The following GDA variants were observed in gnomAD, a reference collection of about 807,000 sequenced individuals.
GDA encodes guanine deaminase.
GDA carries 18 observed loss-of-function variants against 59.6 expected under a neutral mutation model. The ratio of observed to expected loss-of-function variants is 0.30; its 90% CI spans 0.21 to 0.45. The LOEUF (loss-of-function observed/expected upper bound fraction) is 0.45. GDA is among the 20% of genes least tolerant of loss of function. The pLI is 1.00. For synonymous variants in GDA, 201 were observed against 201.1 expected, an observed-to-expected ratio of 1.00 and a Z score of 0.00; for missense variants, 427 against 552.3, an observed-to-expected ratio of 0.77 and a Z score of 2.27.
chr9:72,202,413 C>T (rs1049692446), intron 2 of GDA, among the ~76,000 whole-genome samples, 158 bp from the exon 3 acceptor site: 2 of 152,146 alleles, frequency 1.3e-5, no homozygotes, highest in Non-Finnish European at 2.9e-5. Context: ...TATGTCCTGA[C>T]CTCTAAATAA....
intron 8 of GDA, 105 bp downstream of exon 8, chr9:72,225,889 TA>T: frequency 1.7e-6 from 1 of 581,864 alleles, no homozygotes; most frequent in South Asian, 2.6e-5. Flanking sequence ...TACATTTCTT[TA>T]AAAATTTTTT....
intron 1 of GDA, among the ~76,000 whole-genome samples, chr9:72,121,136 T>C (rs1435560667): frequency 1.3e-5 from 2 of 152,236 alleles, no homozygotes; most frequent in African/African-American, 2.4e-5. Flanking sequence ...TGGTAGGTAC[T>C]GAAGCCTCTT....
intron 5 of GDA, among the ~76,000 whole-genome samples, chr9:72,216,601 G>C (rs573275200): frequency 9.2e-5 from 14 of 152,062 alleles, no homozygotes; most frequent in Non-Finnish European, 2.1e-4. Flanking sequence ...TGATTTAATT[G>C]ATATGAAATG....
At position 72,132,764 on chromosome 9, in the gene GDA, A is replaced by G. The variant is rs1489003604; in HGVS notation, c.-100+17931A>G. On this transcript the variant is annotated intron_variant, in intron 1 of 13. Transcript: ENST00000545168. ...TTCTGGAGTTCCCTCACCTCCCACTACTCCAACACTAATCAGAACAATATC... is the reference window on the plus strand; with the variant it reads ...TTCTGGAGTTCCCTCACCTCCCACTGCTCCAACACTAATCAGAACAATATC... Among the ~76,000 whole-genome samples the G allele has an allele frequency of 2.6e-5, 4 of 152,020 alleles. No homozygotes were observed. In the East Asian group the frequency reaches 5.8e-4, roughly 22 times the overall value.
intron 1 of GDA, among the ~76,000 whole-genome samples, chr9:72,133,308 A>AATAAT (rs1554722434): frequency 1.1e-4 from 11 of 101,560 alleles, no homozygotes; most frequent in African/African-American, 1.5e-4. Flanking sequence ...AAAAAAAAAA[A>AATAAT]AATAATAATA....
chr9:72,215,208 G>A (rs1835950540), intron 5 of GDA, among the ~76,000 whole-genome samples: 1 of 152,050 alleles, frequency 6.6e-6, no homozygotes, highest in Non-Finnish European at 1.5e-5. Context: ...AAGAAGTTAG[G>A]AAAAATGAGT....
At position 72,225,764 on chromosome 9, in the gene GDA, A is replaced by T. The variant is rs761947921; in HGVS notation, c.802A>T (p.Asn268Tyr). 1.4e-5 allele frequency: 20 copies of T among 1,411,184 alleles called. No individual in the cohort carries two copies. Among genetic ancestry groups the T allele is most frequent in the Non-Finnish European group, 2.0e-5 (20 of 1,009,404 alleles). The allele number at this position is 1,411,184 out of a possible 1,614,324, so 87.4% of individuals were successfully genotyped here. A position where few individuals can be genotyped will look rare whatever the true frequency, so the allele number is the denominator to read the frequency against. ...YKNYTSVYDKNNLLTNKTVMA... is the reference protein window; with the variant it reads ...YKNYTSVYDKYNLLTNKTVMA... ...AAACTACACATCTGTGTATGATAAA[A>T]ACAATCTTTTGACAAATAAGGTAAG... The change falls in exon 8 of 14, where the codon AAC becomes TAC. Residue 268 changes from asparagine to tyrosine, a missense_variant. Asn to Tyr is a moderately radical substitution (Grantham distance 143, BLOSUM62 -2). Coordinates refer to ENST00000358399, the MANE Select transcript of GDA (RefSeq NM_004293.5).
At chr9:72,151,608 T>G (rs1827206172) in intron 1 of GDA, among the ~76,000 whole-genome samples, 2 of 152,100 alleles carry the variant, frequency 1.3e-5, no homozygotes, top group South Asian at 4.1e-4. Flanking sequence ...TTTGGTTTTT[T>G]TTTGTTTGTT....
Position 72,181,733 on chromosome 9 carries a change from G to A in GDA, c.124-13767G>A, listed in dbSNP as rs553970397. On this transcript the variant is annotated intron_variant, in intron 1 of 13. Transcript: ENST00000358399. ...TAGCTCACTGCAACCTTGAACTCCC[G>A]GGCTCAAGCAATCCTCACATTTCAG... Among the ~76,000 whole-genome samples, 15 of 152,148 alleles carry A rather than the reference G, an allele frequency of 9.9e-5. No individual in the cohort carries two copies. The East Asian group carries it at 1.4e-3, about 14-fold the overall frequency.
At chr9:72,116,968 T>C (rs4311710) in intron 1 of GDA, among the ~76,000 whole-genome samples, 16,930 of 142,256 alleles carry the variant, frequency 0.12, 2,019 homozygotes, top group African/African-American at 0.31. Context: ...ATGTTCCCCA[T>C]CCTGTGTCCA....
At chr9:72,201,819 G>C (rs916405816) in intron 2 of GDA, among the ~76,000 whole-genome samples, 14 of 152,038 alleles carry the variant, frequency 9.2e-5, no homozygotes, top group African/African-American at 3.4e-4. Flanking sequence ...ACACTTTCCA[G>C]GACTTTCTAA....
chr9:72,184,237 ATAC>A (rs1334275523), intron 1 of GDA, among the ~76,000 whole-genome samples: 1 of 152,202 alleles, frequency 6.6e-6, no homozygotes, highest in Non-Finnish European at 1.5e-5. Context: ...TCCACAGTTT[ATAC>A]TAGGGCTCAC....
At chr9:72,185,392 C>T (rs1388458182) in intron 1 of GDA, among the ~76,000 whole-genome samples, 3 of 152,184 alleles carry the variant, frequency 2.0e-5, no homozygotes, top group African/African-American at 7.2e-5. Flanking sequence ...TCCCTCATGC[C>T]TCATGCTATT....
At chr9:72,213,529 C>T (rs986858921) in intron 4 of GDA, among the ~76,000 whole-genome samples, 49 of 152,054 alleles carry the variant, frequency 3.2e-4, no homozygotes, top group Non-Finnish European at 4.4e-4. Flanking sequence ...TTTGGCCGGG[C>T]GCGGTGGCTC....
rs190454478 is a variant in GDA, at chr9:72,171,556, C to G, written c.123+21874C>G. Among the ~76,000 whole-genome samples the G allele has an allele frequency of 1.8e-3, 270 of 152,192 alleles. 2 individuals are homozygous for G. Among genetic ancestry groups the G allele is most frequent in the Non-Finnish European group, 2.1e-4 (14 of 68,012 alleles). On this transcript the variant is annotated intron_variant, in intron 1 of 13. Coordinates refer to ENST00000358399, the MANE Select transcript of GDA (RefSeq NM_004293.5). ...AGGCTGAAATTAAAGATGTGATCCT[C>G]CAGAAAACATTTTTTTTTTCCTGTT...
At chr9:72,160,721 G>T (rs369386334) in intron 1 of GDA, among the ~76,000 whole-genome samples, 2 of 152,116 alleles carry the variant, frequency 1.3e-5, no homozygotes, top group Non-Finnish European at 2.9e-5. Flanking sequence ...AAAAGCAGCT[G>T]GTTAAAAAAA....
chr9:72,197,176 G>C (rs952570225), intron 2 of GDA, among the ~76,000 whole-genome samples: 3 of 152,062 alleles, frequency 2.0e-5, no homozygotes, highest in Admixed American at 1.3e-4. Flanking sequence ...TTCCCTCTTT[G>C]AGGTCATCTA....
intron 1 of GDA, among the ~76,000 whole-genome samples, chr9:72,138,989 T>C (rs1826345019): frequency 6.6e-6 from 1 of 152,252 alleles, no homozygotes; most frequent in Non-Finnish European, 1.5e-5. Context: ...TATCGTTGTA[T>C]CTTTCCATGC....
chr9:72,204,095 A>T (rs1334058035), intron 3 of GDA, among the ~76,000 whole-genome samples: 1 of 152,102 alleles, frequency 6.6e-6, no homozygotes, highest in Non-Finnish European at 1.5e-5. Context: ...GATTACAGGC[A>T]TGAGCCACCG....
Sources: allele counts gnomAD v4.1 joint callset (sites outside exome capture counted in the v4.1 genomes callset), GRCh38; gene constraint gnomAD v4.1.1; transcripts MANE v1.5; gene names NCBI Gene and HGNC (gene_info 2026-07-23, HGNC 2026-07-21).